Variants in ASIC2 observed in about 807,000 individuals in gnomAD.
ASIC2 encodes acid-sensing ion channel 2.
Under a neutral mutation model 57.3 loss-of-function variants are expected in ASIC2, and 25 were observed. That is an observed-to-expected ratio of 0.44 (90% CI 0.32 to 0.61). The LOEUF (loss-of-function observed/expected upper bound fraction) is 0.61, where lower values mean the gene tolerates loss of function less well. Ranked by LOEUF, ASIC2 falls within the 20% of genes least tolerant of loss-of-function variation. ASIC2 has a pLI of 0.06. For synonymous variants in ASIC2, 319 were observed against 307.5 expected (o/e 1.04, Z -0.39); for missense variants, 641 against 738.1 (o/e 0.87, Z 1.52).
intron 1 of ASIC2, among the ~76,000 whole-genome samples, chr17:33,130,650 T>A (rs144487190): frequency 4.5e-4 from 69 of 152,310 alleles, no homozygotes; most frequent in African/African-American, 1.5e-3. Flanking sequence ...AGCAGGGGAC[T>A]AAGCGGATAA....
At chr17:34,087,633 G>A in intron 1 of ASIC2, among the ~76,000 whole-genome samples, 1 of 151,600 alleles carries the variant, frequency 6.6e-6, no homozygotes, top group East Asian at 1.9e-4. Flanking sequence ...CCTGCAGAGT[G>A]TTTTCCAACT....
chr17:34,019,064 C>A (rs972156200), intron 1 of ASIC2, among the ~76,000 whole-genome samples: 1 of 152,080 alleles, frequency 6.6e-6, no homozygotes, highest in East Asian at 1.9e-4. Context: ...CCCGCCACCA[C>A]GCCTGGCTAA....
At chr17:33,326,184 G>A (rs930531070) in intron 1 of ASIC2, among the ~76,000 whole-genome samples, 12 of 152,244 alleles carry the variant, frequency 7.9e-5, no homozygotes, top group Admixed American at 2.6e-4. Flanking sequence ...TTTCAAATAT[G>A]TCATCCCATT....
chr17:33,780,031 C>T lies in ASIC2; in HGVS notation c.555+375947G>A, dbSNP rs527403519. Among the ~76,000 whole-genome samples the T allele has an allele frequency of 6.1e-5, 8 of 130,904 alleles. No homozygotes were observed. In the East Asian group the frequency reaches 1.6e-3, roughly 26 times the overall value. 85.9% of individuals were successfully genotyped at this position (130,904 alleles called of 152,430 possible). On this transcript the variant is annotated intron_variant, in intron 1 of 9. Transcript: ENST00000359872. ...TGTTGCCCAGGCTTGAGTGCAGTGG[C>T]ATGATCTTAGCTCACTCCAACTTCC...
chr17:33,124,249 T>C (rs1252675928), intron 1 of ASIC2, among the ~76,000 whole-genome samples: 1 of 152,252 alleles, frequency 6.6e-6, no homozygotes, highest in Non-Finnish European at 1.5e-5. Context: ...GGAATTTTAG[T>C]AGCAAAGCTT....
chr17:33,431,715 C>A (rs553952679), intron 1 of ASIC2, among the ~76,000 whole-genome samples: 5 of 152,080 alleles, frequency 3.3e-5, no homozygotes, highest in Non-Finnish European at 7.4e-5. Flanking sequence ...CTAACCTGAA[C>A]CAGGTCTCCT....
chr17:33,922,394 A>G (rs931932970), intron 1 of ASIC2, among the ~76,000 whole-genome samples: 1 of 152,218 alleles, frequency 6.6e-6, no homozygotes, highest in Non-Finnish European at 1.5e-5. Context: ...TCAGACTGAA[A>G]GTCCAGCATT....
intron 1 of ASIC2, among the ~76,000 whole-genome samples, chr17:33,711,428 A>G (rs7215970): frequency 0.35 from 53,086 of 152,072 alleles, 10,887 homozygotes; most frequent in African/African-American, 0.58. Context: ...ATCCTCCTCC[A>G]TATGCGGTCA....
intron 1 of ASIC2, among the ~76,000 whole-genome samples, chr17:34,117,992 G>T (rs1567828366): frequency 6.6e-6 from 1 of 152,166 alleles, no homozygotes. Context: ...TTCTTAGCCA[G>T]GACCTTGGAG....
At chr17:34,014,563 C>G (rs1567788388) in intron 1 of ASIC2, among the ~76,000 whole-genome samples, 1 of 152,196 alleles carries the variant, frequency 6.6e-6, no homozygotes, top group African/African-American at 2.4e-5. Flanking sequence ...TCCACAGACA[C>G]CTAGGTGCAA....
intron 1 of ASIC2, among the ~76,000 whole-genome samples, chr17:33,630,610 A>C (rs1246877644): frequency 6.6e-6 from 1 of 152,126 alleles, no homozygotes; most frequent in East Asian, 1.9e-4. Flanking sequence ...AGGGTTCCAA[A>C]TCCTAGCTCT....
chr17:33,563,185 A>G (rs1334876804), intron 1 of ASIC2, among the ~76,000 whole-genome samples: 1 of 152,220 alleles, frequency 6.6e-6, no homozygotes, highest in African/African-American at 2.4e-5. Context: ...AGACCTTCTG[A>G]TAAGTGGGAA....
chr17:33,363,595 C>T (rs1234093348), intron 1 of ASIC2, among the ~76,000 whole-genome samples: 1 of 152,226 alleles, frequency 6.6e-6, no homozygotes, highest in African/African-American at 2.4e-5. Flanking sequence ...ATGGCCTCTG[C>T]CACTGAACAC....
intron 1 of ASIC2, among the ~76,000 whole-genome samples, chr17:33,640,553 C>T (rs1401891579): frequency 6.6e-6 from 1 of 152,192 alleles, no homozygotes; most frequent in East Asian, 1.9e-4. Context: ...AAGAAGAACT[C>T]AAACTAAGTT....
rs567708005 is a variant in ASIC2 at position 33,441,747 on chromosome 17, C to G, written c.556-329680G>C. 9.9e-4 allele frequency among the ~76,000 whole-genome samples: 151 copies of G among 152,254 alleles called. 1 individual carries two copies. Among genetic ancestry groups the G allele is most frequent in the Middle Eastern group, 3.4e-3 (1 of 294 alleles). ...TAAATAGACCTTGCAAAGTTCCCCC[C>G]AGTTTATTATTAATCATTAGATTAT... is the stretch of plus-strand genomic sequence containing the variant. On this transcript the variant is annotated intron_variant, in intron 1 of 9. Coordinates refer to the ASIC2 transcript ENST00000359872.
At chr17:33,619,690 C>T (rs1905719045) in intron 1 of ASIC2, among the ~76,000 whole-genome samples, 1 of 152,198 alleles carries the variant, frequency 6.6e-6, no homozygotes, top group Admixed American at 6.5e-5. Flanking sequence ...CAGAGCGTCT[C>T]TGATTGTGTC....
At chr17:33,448,466 A>C (rs754887104) in intron 1 of ASIC2, among the ~76,000 whole-genome samples, 19 of 152,234 alleles carry the variant, frequency 1.2e-4, no homozygotes, top group Non-Finnish European at 2.6e-4. Context: ...CTTAGATTCC[A>C]TCATAAGTGT....
chr17:33,774,176 C>T (rs1911198154), intron 1 of ASIC2, among the ~76,000 whole-genome samples: 1 of 152,162 alleles, frequency 6.6e-6, no homozygotes, highest in South Asian at 2.1e-4. Context: ...AAATCTGCTC[C>T]CAACTCTGGC....
rs766008841 is a variant in ASIC2, at chr17:33,606,691, CATGA to C, written c.556-494628_556-494625del. ...GACACCAAGAGCATATTTACTGATT[CATGA>C]ATGAATGAATGAATGAATGAACAAA... On this transcript the variant is annotated intron_variant, in intron 1 of 9. Coordinates refer to the ASIC2 transcript ENST00000359872. Among the ~76,000 whole-genome samples the C allele has an allele frequency of 3.2e-3, 488 of 152,216 alleles. 1 individual carries two copies. Among genetic ancestry groups the C allele is most frequent in the Non-Finnish European group, 5.3e-3 (360 of 68,008 alleles).
Sources: gnomAD v4.1 joint callset for allele counts (sites outside exome capture counted in the v4.1 genomes callset) on GRCh38, gnomAD v4.1.1 for gene constraint, MANE v1.5 for transcripts, NCBI Gene and HGNC (gene_info 2026-07-23, HGNC 2026-07-21) for gene names.